Variants in FAM222B observed in about 807,000 individuals in gnomAD.
FAM222B encodes the protein protein FAM222B.
FAM222B carries 12 observed loss-of-function variants against 38.0 expected under a neutral mutation model. That is an observed-to-expected ratio of 0.32 (90% CI 0.20 to 0.51). The LOEUF (loss-of-function observed/expected upper bound fraction) is 0.51, where lower values mean the gene tolerates loss of function less well. FAM222B is among the 20% of genes least tolerant of loss of function. The pLI is 0.97. For missense variants in FAM222B, 716 were observed against 754.2 expected, an observed-to-expected ratio of 0.95 and a Z score of 0.59; for synonymous variants, 329 against 317.2, an observed-to-expected ratio of 1.04 and a Z score of -0.40.
chr17:28,824,509 A>T (rs1024715034), intron 1 of FAM222B, among the ~76,000 whole-genome samples: 2 of 152,004 alleles, frequency 1.3e-5, no homozygotes, highest in Non-Finnish European at 2.9e-5. Flanking sequence ...ATATTCTGCT[A>T]GTCTTACCCA....
chr17:28,842,317 G>GGTT (rs2039070379), intron 1 of FAM222B, among the ~76,000 whole-genome samples: 1 of 152,030 alleles, frequency 6.6e-6, no homozygotes, highest in Non-Finnish European at 1.5e-5. Context: ...CCCTTCCCCT[G>GGTT]CCTGGTTCAG....
rs781678172 is a variant in FAM222B, at chr17:28,758,288, CTGAATA to C, written c.1665_1670del (p.His555_Ile556del). The C allele has an allele frequency of 1.9e-6, 3 of 1,590,082 alleles. No homozygotes were observed. Among genetic ancestry groups the C allele is most frequent in the Non-Finnish European group, 2.6e-6 (3 of 1,168,386 alleles). On this transcript the variant is annotated inframe_deletion, in exon 3 of 3. Coordinates refer to ENST00000581407, the MANE Select transcript of FAM222B (RefSeq NM_001077498.3). ...GGGCTACCTATCTATACCCTGGGTG[CTGAATA>C]TGAAGACTTCGACTCTCTGTGGGAT...
chr17:28,787,826 CTTT>C (rs59467944), intron 1 of FAM222B, among the ~76,000 whole-genome samples: 11 of 130,166 alleles, frequency 8.5e-5, no homozygotes, highest in East Asian at 2.2e-4. Flanking sequence ...ATAAAGTAGT[CTTT>C]TTTTTTTTTT....
At chr17:28,813,136 A>G in intron 1 of FAM222B, among the ~76,000 whole-genome samples, 1 of 135,722 alleles carries the variant, frequency 7.4e-6, no homozygotes, top group South Asian at 2.5e-4. Flanking sequence ...ACAAAAAAAA[A>G]AAAAACACAC....
At chr17:28,818,090 G>A (rs1242753143) in intron 1 of FAM222B, among the ~76,000 whole-genome samples, 2 of 152,150 alleles carry the variant, frequency 1.3e-5, no homozygotes, top group Admixed American at 6.5e-5. Flanking sequence ...GTGGGGTGTA[G>A]GGGGTGGTTT....
rs2034760808 is a variant in FAM222B, at chr17:28,757,501, A to G, written c.*769T>C. ...AAAGGATAGGGGCTGTGGGGAGGTG[A>G]GTTAGGGGACAGGCAACAGTGAGAA... On this transcript the variant is annotated 3_prime_UTR_variant, in exon 3 of 3. Transcript: ENST00000581407. The G allele has an allele frequency of 6.6e-6, 1 of 151,508 alleles. No individual in the cohort carries two copies. The highest frequency in any genetic ancestry group is 1.5e-5 in the Non-Finnish European group (1 of 67,934). 9.4% of individuals were successfully genotyped at this position (151,508 alleles called of 1,614,324 possible). A position where few individuals can be genotyped will look rare whatever the true frequency, so the allele number is the denominator to read the frequency against.
At chr17:28,844,070 A>G (rs1245285391), upstream of FAM222B, among the ~76,000 whole-genome samples, 2 of 152,154 alleles carry the variant, frequency 1.3e-5, no homozygotes, top group Non-Finnish European at 2.9e-5. Flanking sequence ...GAAAACCACT[A>G]AAGTCCAGTG....
intron 1 of FAM222B, among the ~76,000 whole-genome samples, chr17:28,809,352 C>CAAAA (rs146580054): frequency 1.6e-5 from 1 of 63,048 alleles, no homozygotes; most frequent in South Asian, 5.8e-4. Context: ...GACTCCGTCT[C>CAAAA]AAAAAAAAAA....
rs1416328965 is a variant in FAM222B, at chr17:28,757,368, C to G, written c.*902G>C. ...ATATTCTTAGCCAGTGTAGAGAGAA[C>G]CAAATGCATTTTTTTTTTTTTGGTG... is the stretch of plus-strand genomic sequence containing the variant. On this transcript the variant is annotated 3_prime_UTR_variant, in exon 3 of 3. Coordinates refer to ENST00000581407, the MANE Select transcript of FAM222B (RefSeq NM_001077498.3). The G allele has an allele frequency of 6.7e-6, 1 of 148,860 alleles. No homozygotes were observed. Among genetic ancestry groups the G allele is most frequent in the Non-Finnish European group, 1.5e-5 (1 of 66,918 alleles). 9.2% of individuals were successfully genotyped at this position (148,860 alleles called of 1,614,324 possible).
At chr17:28,801,997 T>C (rs146736857) in intron 1 of FAM222B, among the ~76,000 whole-genome samples, 1 of 149,968 alleles carries the variant, frequency 6.7e-6, no homozygotes, top group Non-Finnish European at 1.5e-5. Flanking sequence ...CAAAAACACT[T>C]TGCTGAATGC....
intron 1 of FAM222B, among the ~76,000 whole-genome samples, chr17:28,816,565 A>C (rs2038032528): frequency 6.6e-6 from 1 of 152,164 alleles, no homozygotes; most frequent in Non-Finnish European, 1.5e-5. Context: ...AAAAAAAATA[A>C]ATAAAATGTA....
intron 2 of FAM222B, among the ~76,000 whole-genome samples, chr17:28,760,293 G>A (rs115380614): frequency 3.5e-4 from 54 of 152,252 alleles, no homozygotes; most frequent in African/African-American, 1.2e-3. Flanking sequence ...ATTCAGGGTC[G>A]CTGGGCACGG....
intron 1 of FAM222B, among the ~76,000 whole-genome samples, chr17:28,790,208 T>C (rs58023688): frequency 1.4e-3 from 211 of 152,180 alleles, no homozygotes; most frequent in African/African-American, 4.9e-3. Context: ...AACAAATACA[T>C]TGGAAGGCTG....
chr17:28,805,037 C>A (rs1462698266), intron 1 of FAM222B, among the ~76,000 whole-genome samples: 1 of 150,544 alleles, frequency 6.6e-6, no homozygotes, highest in Non-Finnish European at 1.5e-5. Flanking sequence ...CAGAGCGAGA[C>A]TCCATCTCAG....
At chr17:28,816,435 T>C (rs2038026275) in intron 1 of FAM222B, among the ~76,000 whole-genome samples, 1 of 151,930 alleles carries the variant, frequency 6.6e-6, no homozygotes, top group Admixed American at 6.6e-5. Flanking sequence ...ATGGAAGAGA[T>C]CAATAGGCTA....
chr17:28,774,550 G>A (rs1214068944), intron 1 of FAM222B, among the ~76,000 whole-genome samples: 1 of 152,046 alleles, frequency 6.6e-6, no homozygotes, highest in Non-Finnish European at 1.5e-5. Context: ...TCTAATTAAG[G>A]AACAAACCTT....
intron 1 of FAM222B, among the ~76,000 whole-genome samples, chr17:28,791,832 G>C (rs2036704425): frequency 6.6e-6 from 1 of 151,380 alleles, no homozygotes; most frequent in South Asian, 2.1e-4. Context: ...GCTAATTTTT[G>C]TATTTTTAGT....
At chr17:28,828,968 C>T (rs960253818) in intron 1 of FAM222B, among the ~76,000 whole-genome samples, 2 of 152,044 alleles carry the variant, frequency 1.3e-5, no homozygotes, top group African/African-American at 4.8e-5. Flanking sequence ...CAGTATGGCG[C>T]CATCTCGGCT....
chr17:28,845,902 AAAAT>A (rs1179701141), upstream of FAM222B, among the ~76,000 whole-genome samples: 7 of 151,316 alleles, frequency 4.6e-5, no homozygotes, highest in Non-Finnish European at 8.8e-5. Context: ...CTCAAAAAGA[AAAAT>A]AAATAAATAA....
Sources: allele counts gnomAD v4.1 joint callset (sites outside exome capture counted in the v4.1 genomes callset), GRCh38; gene constraint gnomAD v4.1.1; transcripts MANE v1.5; gene names NCBI Gene and HGNC (gene_info 2026-07-23, HGNC 2026-07-21).